Variants in IL1RAPL2 observed in about 807,000 individuals in gnomAD.
The protein encoded by IL1RAPL2 is X-linked interleukin-1 receptor accessory protein-like 2.
A neutral mutation model predicts 44.1 loss-of-function variants in IL1RAPL2; 3 were observed. That is an observed-to-expected ratio of 0.07 (90% confidence interval 0.03 to 0.18). The LOEUF (loss-of-function observed/expected upper bound fraction) is 0.18. Among genes scored for constraint, IL1RAPL2 ranks in the 10% least tolerant of loss-of-function variants. The pLI is 1.00. For missense variants in IL1RAPL2, 391 were observed against 496.4 expected (o/e 0.79, Z 2.02); for synonymous variants, 181 against 178.8 (o/e 1.01, Z -0.10).
chrX:105,250,000 A>G (rs1469747595), intron 4 of IL1RAPL2, among the ~76,000 whole-genome samples: 1 of 111,550 alleles, frequency 9.0e-6, no homozygotes, highest in East Asian at 2.8e-4. Context: ...TGGTACATTC[A>G]TATAATAAAA....
At chrX:104,906,860 G>A (rs1265718551) in intron 2 of IL1RAPL2, among the ~76,000 whole-genome samples, 1 of 111,541 alleles carries the variant, frequency 9.0e-6, no homozygotes, top group Non-Finnish European at 1.9e-5. Context: ...TCTATTGATT[G>A]GAATAGTTTC....
intron 2 of IL1RAPL2, among the ~76,000 whole-genome samples, chrX:105,067,410 G>A (rs2032151292): frequency 9.0e-6 from 1 of 111,270 alleles, no homozygotes; most frequent in Non-Finnish European, 1.9e-5. Flanking sequence ...AAAAACCCCT[G>A]GCTCAGACAC....
intron 2 of IL1RAPL2, among the ~76,000 whole-genome samples, chrX:104,707,716 A>T (rs1931386070): frequency 9.0e-6 from 1 of 111,716 alleles, no homozygotes; most frequent in South Asian, 3.7e-4. Context: ...AATGATGTTT[A>T]GAGGAATTAC....
At chrX:105,166,627 C>A (rs947463200) in intron 2 of IL1RAPL2, among the ~76,000 whole-genome samples, 7 of 112,411 alleles carry the variant, frequency 6.2e-5, no homozygotes, top group African/African-American at 2.3e-4. Flanking sequence ...AAGTGAAATT[C>A]TAGCAAATCA....
At chrX:105,604,895 C>G in intron 6 of IL1RAPL2, among the ~76,000 whole-genome samples, 1 of 110,878 alleles carries the variant, frequency 9.0e-6, no homozygotes, top group Non-Finnish European at 1.9e-5. Flanking sequence ...ATGATCACCT[C>G]AGTAGGTGCA....
chrX:105,253,444 A>G (rs1442222244), intron 4 of IL1RAPL2, among the ~76,000 whole-genome samples: 1 of 111,307 alleles, frequency 9.0e-6, no homozygotes, highest in Non-Finnish European at 1.9e-5. Flanking sequence ...TACATTACCC[A>G]TCTACTCTTA....
chrX:104,886,185 C>T (rs898967418), intron 2 of IL1RAPL2, among the ~76,000 whole-genome samples: 5 of 112,914 alleles, frequency 4.4e-5, no homozygotes, highest in African/African-American at 1.6e-4. Context: ...GCTCTTTTCA[C>T]ATGCCTTTTT....
At chrX:105,180,372 GAAA>G (rs1446259623) in intron 2 of IL1RAPL2, among the ~76,000 whole-genome samples, 7 of 107,879 alleles carry the variant, frequency 6.5e-5, no homozygotes, top group African/African-American at 2.5e-4. Context: ...AAAAAGAAAA[GAAA>G]AAAAGAAAAA....
chrX:104,736,921 C>A (rs184882044), intron 2 of IL1RAPL2, among the ~76,000 whole-genome samples: 1 of 112,183 alleles, frequency 8.9e-6, no homozygotes, highest in Non-Finnish European at 1.9e-5. Context: ...AAGGTTAGAA[C>A]CAGAATTAAA....
At chrX:105,389,702 T>A (rs2035507109) in intron 5 of IL1RAPL2, among the ~76,000 whole-genome samples, 1 of 111,684 alleles carries the variant, frequency 9.0e-6, no homozygotes, top group Admixed American at 9.6e-5. Context: ...CCAGGATAGT[T>A]CTTTTTTAAA....
At position 104,926,641 on chromosome X, in the gene IL1RAPL2, G is replaced by C. The variant is rs916877478; in HGVS notation, c.82+267646G>C. Among the ~76,000 whole-genome samples, 11 of 111,822 alleles carry C rather than the reference G, an allele frequency of 9.8e-5. 1 individual carries two copies. Among genetic ancestry groups the C allele is most frequent in the Admixed American group, 3.8e-4 (4 of 10,527 alleles). On this transcript the variant is annotated intron_variant, in intron 2 of 10. Transcript: ENST00000372582. ...ACACTATATTGAAATGATTGTTAGT[G>C]TTCTCTCTTGCATCACAGTTGATGT...
At chrX:105,108,823 T>G (rs1223987211) in intron 2 of IL1RAPL2, among the ~76,000 whole-genome samples, 1 of 111,907 alleles carries the variant, frequency 8.9e-6, no homozygotes, top group Non-Finnish European at 1.9e-5. Flanking sequence ...AAACGTAAAT[T>G]AGATAATTTC....
At chrX:105,060,622 TTTG>T (rs1440521906) in intron 2 of IL1RAPL2, among the ~76,000 whole-genome samples, 2 of 106,700 alleles carry the variant, frequency 1.9e-5, no homozygotes, top group African/African-American at 6.9e-5. Context: ...TTTGACTTGT[TTTG>T]TTATCAGGGT....
chrX:105,397,186 G>A (rs988443909), intron 5 of IL1RAPL2, among the ~76,000 whole-genome samples: 1 of 110,562 alleles, frequency 9.0e-6, no homozygotes, highest in African/African-American at 3.3e-5. Context: ...ACATTATGAT[G>A]GGTTGTGTAA....
chrX:104,652,767 T>G (rs1930176438), intron 1 of IL1RAPL2, among the ~76,000 whole-genome samples: 1 of 111,880 alleles, frequency 8.9e-6, no homozygotes, highest in Non-Finnish European at 1.9e-5. Context: ...TTTTAGCTGC[T>G]TTCAGATATT....
chrX:105,756,684 T>G (rs1281462204), intron 10 of IL1RAPL2, among the ~76,000 whole-genome samples: 2 of 111,638 alleles, frequency 1.8e-5, no homozygotes, highest in Non-Finnish European at 1.9e-5. Flanking sequence ...TCATGGTCCT[T>G]CATTCTTTTC....
At chrX:104,847,658 A>T (rs915427816) in intron 2 of IL1RAPL2, among the ~76,000 whole-genome samples, 6 of 111,459 alleles carry the variant, frequency 5.4e-5, no homozygotes, top group Admixed American at 1.9e-4. Context: ...TTGGCTTAGG[A>T]TTGTCTTGGA....
intron 2 of IL1RAPL2, among the ~76,000 whole-genome samples, chrX:105,033,550 C>T (rs1339146186): frequency 9.0e-6 from 1 of 111,693 alleles, no homozygotes; most frequent in Non-Finnish European, 1.9e-5. Flanking sequence ...TGAATATTGG[C>T]CCCCACTCTC....
At chrX:105,595,382 A>T (rs998096256) in intron 6 of IL1RAPL2, among the ~76,000 whole-genome samples, 1 of 111,751 alleles carries the variant, frequency 8.9e-6, no homozygotes, top group Non-Finnish European at 1.9e-5. Flanking sequence ...CTGAAACTTT[A>T]ATATACTAAT....
Sources: allele counts gnomAD v4.1 joint callset (sites outside exome capture counted in the v4.1 genomes callset), GRCh38; gene constraint gnomAD v4.1.1; transcripts MANE v1.5; gene names NCBI Gene and HGNC (gene_info 2026-07-23, HGNC 2026-07-21).